ADAT2: variants seen among roughly 807,000 people sequenced by gnomAD.
ADAT2 encodes tRNA-specific adenosine-34 deaminase catalytic subunit ADAT2.
Under a neutral mutation model 25.9 loss-of-function variants are expected in ADAT2, and 26 were observed. The ratio of observed to expected loss-of-function variants is 1.00; its 90% CI spans 0.74 to 1.39. ADAT2 has a LOEUF of 1.39. Ranked by LOEUF, ADAT2 falls within the 40% of genes most tolerant of loss-of-function variation. The pLI, the probability that ADAT2 is intolerant of heterozygous loss-of-function variation, is 0.00. For synonymous variants in ADAT2, 76 were observed against 86.8 expected (o/e 0.88, Z 0.69); for missense variants, 220 against 244.8 (o/e 0.90, Z 0.68).
rs1234236776 is a variant in ADAT2 at position 143,425,727 on chromosome 6, TTGTGTTTGTGTGTGTGTG to T, written c.*2718_*2735del. On this transcript the variant is annotated 3_prime_UTR_variant, in exon 6 of 6. Coordinates refer to ENST00000237283, the MANE Select transcript of ADAT2 (RefSeq NM_182503.3). ...TTTCGGGGTAAAGGGCCATGGTGTG[TTGTGTTTGTGTGTGTGTG>T]TGTGTGTGTGTGTGTGTGTGTGTGT... The T allele has an allele frequency of 1.9e-4, 15 of 78,152 alleles. No individual in the cohort carries two copies. The highest frequency in any genetic ancestry group is 7.8e-4 in the African/African-American group (14 of 17,958). 4.8% of individuals were successfully genotyped at this position (78,152 alleles called of 1,614,324 possible).
At chr6:143,441,080 T>G (rs1759940781) in intron 1 of ADAT2, among the ~76,000 whole-genome samples, 1 of 152,174 alleles carries the variant, frequency 6.6e-6, no homozygotes, top group Non-Finnish European at 1.5e-5. Flanking sequence ...CCAGAAGTTA[T>G]TCGGCCCTGC....
At chr6:143,450,468 T>C (rs1779729356) in intron 1 of ADAT2, 95 bp downstream of exon 1, 10 of 1,338,646 alleles carry the variant, frequency 7.5e-6, no homozygotes, top group Non-Finnish European at 9.5e-6. Flanking sequence ...ATAAAAATTA[T>C]GGTGACGAGA....
chr6:143,428,701 G>A lies in ADAT2; in HGVS notation c.460-17C>T. 1 of 1,612,728 alleles carries A rather than the reference G, an allele frequency of 6.2e-7. No individual in the cohort carries two copies. The highest frequency in any genetic ancestry group is 1.1e-5 in the South Asian group (1 of 90,928). On this transcript the variant is annotated splice_polypyrimidine_tract_variant and intron_variant, in intron 4 of 5. Coordinates refer to ENST00000237283, the MANE Select transcript of ADAT2 (RefSeq NM_182503.3). The surrounding 1 kb of genome is among the most constrained non-coding windows in gnomAD (Gnocchi z 5.0). ...AGGGATACACTGATGGAATGAGAAA[G>A]TTGAGAATAAACATAGGCCTATGAA...
In ADAT2 at chr6:143,426,463, G is replaced by A. The variant is rs1389751790; in HGVS notation, c.*2000C>T. 4 of 152,118 alleles carry A rather than the reference G, an allele frequency of 2.6e-5. No individual in the cohort carries two copies. The highest frequency in any genetic ancestry group is 5.9e-5 in the Non-Finnish European group (4 of 68,030). The allele number at this position is 152,118 out of a possible 1,614,324, so 9.4% of individuals were successfully genotyped here. A position where few individuals can be genotyped will look rare whatever the true frequency, so the allele number is the denominator to read the frequency against. On this transcript the variant is annotated 3_prime_UTR_variant, in exon 6 of 6. Transcript: ENST00000237283. This position sits in a 1 kb window ranked among gnomAD's most constrained non-coding sequence, Gnocchi z 4.1. ...GTCCAAACATTTAGGACAGATTTTCGATAGGTTAATTACTGAAGAGGGAAC... is the reference window on the plus strand; with the variant it reads ...GTCCAAACATTTAGGACAGATTTTCAATAGGTTAATTACTGAAGAGGGAAC...
chr6:143,438,718 A>G (rs1216322343), intron 1 of ADAT2, 24 bp from the exon 2 acceptor site: 3 of 1,561,872 alleles, frequency 1.9e-6, no homozygotes, highest in Non-Finnish European at 2.6e-6. Context: ...TGGAAAATGT[A>G]AGACGTAATA....
chr6:143,438,644 G>C lies in ADAT2; in HGVS notation c.147C>G (p.Val49=). 1 of 1,613,414 alleles carries C rather than the reference G, an allele frequency of 6.2e-7. No homozygotes were observed. The highest frequency in any genetic ancestry group is 8.5e-7 in the Non-Finnish European group (1 of 1,179,524). Residue 49 remains valine, a synonymous_variant, in exon 2 of 6, where the codon GTC becomes GTG. Coordinates refer to ENST00000237283, the MANE Select transcript of ADAT2 (RefSeq NM_182503.3). ...NTEVPVGCLM[V]YNNEVVGKGR... is the part of the protein sequence containing the mutation. ...CCTTCCCTACAACTTCATTGTTGTA[G>C]ACCATAAGACAGCCAACAGGAACTT... is the stretch of plus-strand genomic sequence containing the variant.
In ADAT2 at chr6:143,428,789, T is replaced by C. The variant is rs1179793477; in HGVS notation, c.460-105A>G. 3.6e-6 allele frequency: 4 copies of C among 1,107,204 alleles called. No homozygotes were observed. The highest frequency in any genetic ancestry group is 1.6e-5 in the African/African-American group (1 of 63,078). The allele number at this position is 1,107,204 out of a possible 1,614,324, so 68.6% of individuals were successfully genotyped here. On this transcript the variant is annotated intron_variant, in intron 4 of 5. Coordinates refer to ENST00000237283, the MANE Select transcript of ADAT2 (RefSeq NM_182503.3). This position sits in a 1 kb window ranked among gnomAD's most constrained non-coding sequence, Gnocchi z 5.0. Reference sequence around the variant, plus strand: ...CATGATTATGTAAACAGATTTCAGATGTTAATAAACTTTGGGGATATTAGT... The same window carrying C: ...CATGATTATGTAAACAGATTTCAGACGTTAATAAACTTTGGGGATATTAGT...
chr6:143,431,904 A>G (rs1380319832), intron 4 of ADAT2, among the ~76,000 whole-genome samples: 1 of 152,222 alleles, frequency 6.6e-6, no homozygotes, highest in African/African-American at 2.4e-5. Flanking sequence ...AGTCTGACCC[A>G]TAAAAACTTT....
chr6:143,428,743 C>T lies in ADAT2; in HGVS notation c.460-59G>A, dbSNP rs1779017912. ...GCCTATGAAAATGTGTGCTGTATCC[C>T]ATAAAAACAACATATATATACATGA... On this transcript the variant is annotated intron_variant, in intron 4 of 5. Transcript: ENST00000237283. This position sits in a 1 kb window ranked among gnomAD's most constrained non-coding sequence, Gnocchi z 5.0. 1 of 1,489,650 alleles carries T rather than the reference C, an allele frequency of 6.7e-7. No individual in the cohort carries two copies. Among genetic ancestry groups the T allele is most frequent in the Non-Finnish European group, 9.3e-7 (1 of 1,079,092 alleles). The allele number at this position is 1,489,650 out of a possible 1,614,324, so 92.3% of individuals were successfully genotyped here.
intron 4 of ADAT2, among the ~76,000 whole-genome samples, chr6:143,429,941 C>G (rs1779057467): frequency 6.6e-6 from 1 of 152,288 alleles, no homozygotes; most frequent in East Asian, 1.9e-4. Flanking sequence ...CCTGCTCCTG[C>G]CTTCACTCCT....
chr6:143,447,431 CA>C (rs995489198), intron 1 of ADAT2, among the ~76,000 whole-genome samples: 5 of 151,576 alleles, frequency 3.3e-5, no homozygotes, highest in Non-Finnish European at 2.9e-5. Flanking sequence ...TTAAGACTAC[CA>C]AAAAAAACTG....
rs1779335982 is a variant in ADAT2 at position 143,437,820 on chromosome 6, T to C, written c.201+770A>G. Among the ~76,000 whole-genome samples, 1 of 152,170 alleles carries C rather than the reference T, an allele frequency of 6.6e-6. No homozygotes were observed. The highest frequency in any genetic ancestry group is 1.5e-5 in the Non-Finnish European group (1 of 68,004). On this transcript the variant is annotated intron_variant, in intron 2 of 5. Transcript: ENST00000237283. This position sits in a 1 kb window ranked among gnomAD's most constrained non-coding sequence, Gnocchi z 4.1. Reference sequence around the variant, plus strand: ...AAGTCTGTGTGAATGGCATTACAGGTATAAGTGATCTTTGAGTCCACCTAG... The same window carrying C: ...AAGTCTGTGTGAATGGCATTACAGGCATAAGTGATCTTTGAGTCCACCTAG...
rs1213077641 is a variant in ADAT2 at position 143,434,042 on chromosome 6, A to C, written c.202-61T>G. ...GCTTCATGTGACTACTATTTTACAA[A>C]TATACAAAAACTAAGTACAAAATAT... On this transcript the variant is annotated intron_variant, in intron 2 of 5. Coordinates refer to ENST00000237283, the MANE Select transcript of ADAT2 (RefSeq NM_182503.3). The surrounding 1 kb of genome is among the most constrained non-coding windows in gnomAD (Gnocchi z 4.5). The C allele has an allele frequency of 3.1e-6, 5 of 1,590,734 alleles. No homozygotes were observed. The East Asian group carries it at 1.1e-4, about 36-fold the overall frequency.
chr6:143,436,288 C>A lies in ADAT2; in HGVS notation c.201+2302G>T. ...GAACATGATGGCTGCCTATGACCCC[C>A]AGTATGGCCTCTATCTAACAGAGGC... On this transcript the variant is annotated intron_variant, in intron 2 of 5. Transcript: ENST00000237283. The surrounding 1 kb of genome is among the most constrained non-coding windows in gnomAD (Gnocchi z 4.1). 1 of 223,112 alleles carries A rather than the reference C, an allele frequency of 4.5e-6. No individual in the cohort carries two copies. The highest frequency in any genetic ancestry group is 7.5e-5 in the South Asian group (1 of 13,348). 13.8% of individuals were successfully genotyped at this position (223,112 alleles called of 1,614,324 possible). A position where few individuals can be genotyped will look rare whatever the true frequency, so the allele number is the denominator to read the frequency against.
chr6:143,450,620 G>A lies in ADAT2; in HGVS notation c.39C>T (p.Gly13=), dbSNP rs199526371. The A allele has an allele frequency of 1.2e-6, 2 of 1,613,862 alleles. No individual in the cohort carries two copies. The highest frequency in any genetic ancestry group is 1.7e-6 in the Non-Finnish European group (2 of 1,180,030). ...TCTCCTCTGCCGACACCGAGCACGC[G>A]CCGCTTGCAGCTGGCTTGGGTGCCG... ...AKAAPKPAAS[G]ACSVSAEETE... Residue 13 remains glycine (G), a synonymous_variant, in exon 1 of 6, where the codon GGC becomes GGT. Transcript: ENST00000237283.
In ADAT2 at chr6:143,423,913, A is replaced by G. The variant is rs1381467652; in HGVS notation, c.*4550T>C. 1.3e-5 allele frequency: 2 copies of G among 152,224 alleles called. No homozygotes were observed. The highest frequency in any genetic ancestry group is 4.8e-5 in the African/African-American group (2 of 41,448). 9.4% of individuals were successfully genotyped at this position (152,224 alleles called of 1,614,324 possible). A position where few individuals can be genotyped will look rare whatever the true frequency, so the allele number is the denominator to read the frequency against. ...GGGCCAAGGTGGAGGCCTGGTTAAA[A>G]AGAGGACTTAGGGCCTGACTGAAGT... On this transcript the variant is annotated 3_prime_UTR_variant, in exon 6 of 6. Coordinates refer to ENST00000237283, the MANE Select transcript of ADAT2 (RefSeq NM_182503.3).
In ADAT2 at chr6:143,428,730, G is replaced by A. The variant is rs769295794; in HGVS notation, c.460-46C>T. ...AGAATAAACATAGGCCTATGAAAATGTGTGCTGTATCCCATAAAAACAACA... is the reference window on the plus strand; with the variant it reads ...AGAATAAACATAGGCCTATGAAAATATGTGCTGTATCCCATAAAAACAACA... On this transcript the variant is annotated intron_variant, in intron 4 of 5. Coordinates refer to ENST00000237283, the MANE Select transcript of ADAT2 (RefSeq NM_182503.3). This position sits in a 1 kb window ranked among gnomAD's most constrained non-coding sequence, Gnocchi z 5.0. 5.7e-6 allele frequency: 9 copies of A among 1,566,678 alleles called. No homozygotes were observed. The South Asian group carries it at 9.0e-5, about 16-fold the overall frequency.
At chr6:143,435,855 C>T (rs1237055164) in intron 2 of ADAT2, among the ~76,000 whole-genome samples, 2 of 152,104 alleles carry the variant, frequency 1.3e-5, no homozygotes, top group Non-Finnish European at 2.9e-5. Context: ...TTTCAACAAA[C>T]ATCAGCTAAT....
In ADAT2 at chr6:143,442,782, C is replaced by T. The variant is rs1226432885; in HGVS notation, c.97-4088G>A. Reference sequence around the variant, plus strand: ...GAGTTTAGAGAAATATTTGGTGTTACGGACAATCCCAGAAAAACACTAGGC... The same window carrying T: ...GAGTTTAGAGAAATATTTGGTGTTATGGACAATCCCAGAAAAACACTAGGC... On this transcript the variant is annotated intron_variant, in intron 1 of 5. Transcript: ENST00000237283. The surrounding 1 kb of genome is among the most constrained non-coding windows in gnomAD (Gnocchi z 4.6). 1.3e-5 allele frequency among the ~76,000 whole-genome samples: 2 copies of T among 152,130 alleles called. No individual in the cohort carries two copies. The highest frequency in any genetic ancestry group is 2.4e-5 in the African/African-American group (1 of 41,414).
Sources: allele counts gnomAD v4.1 joint callset (sites outside exome capture counted in the v4.1 genomes callset), GRCh38; gene constraint gnomAD v4.1.1; non-coding constraint Gnocchi (gnomAD v3.1); transcripts MANE v1.5; gene names NCBI Gene and HGNC (gene_info 2026-07-23, HGNC 2026-07-21).